ACAD10: variants seen among roughly 807,000 people sequenced by gnomAD.
The protein encoded by ACAD10 is acyl-CoA dehydrogenase family member 10, also known as ACAD-10.
ACAD10 carries 112 observed loss-of-function variants against 116.8 expected under a neutral mutation model. The ratio of observed to expected loss-of-function variants is 0.96; its 90% CI spans 0.82 to 1.12. The LOEUF (loss-of-function observed/expected upper bound fraction) is 1.12. Ranked by LOEUF, ACAD10 falls within the 50% of genes most tolerant of loss-of-function variation. The probability of loss-of-function intolerance (pLI) is 0.00; values close to 1 mark genes in which losing one functional copy is unlikely to be tolerated. For synonymous variants in ACAD10, 486 were observed against 510.6 expected (o/e 0.95, Z 0.65); for missense variants, 1,259 against 1,350.2 (o/e 0.93, Z 1.06).
At chr12:111,743,101 G>A (rs1363971654) in intron 12 of ACAD10, among the ~76,000 whole-genome samples, 2 of 152,232 alleles carry the variant, frequency 1.3e-5, no homozygotes, top group Non-Finnish European at 2.9e-5. Flanking sequence ...ACATGGAAGT[G>A]CTAGAAGTAA....
At position 111,747,074 on chromosome 12, in the gene ACAD10, C is replaced by T. The variant is rs375235910; in HGVS notation, c.2282C>T (p.Thr761Met). 27 of 1,609,738 alleles carry T rather than the reference C, an allele frequency of 1.7e-5. No homozygotes were observed. The highest frequency in any genetic ancestry group is 5.0e-5 in the Admixed American group (3 of 59,576). ...PEVCNCSAPD[T>M]GNMELLVRYG... ...GTATGTAACTGCTCTGCGCCTGACACGGGCAACATGGAGCTGCTGGTGAGG... is the reference window on the plus strand; with the variant it reads ...GTATGTAACTGCTCTGCGCCTGACATGGGCAACATGGAGCTGCTGGTGAGG... The change falls in exon 15 of 21, where the codon ACG becomes ATG. Residue 761 changes from threonine (T) to methionine (M), a missense_variant. Thr to Met is a moderately conservative substitution (Grantham distance 81). Transcript: ENST00000313698.
At chr12:111,709,057 A>G (rs1301312475) in intron 4 of ACAD10, among the ~76,000 whole-genome samples, 3 of 152,152 alleles carry the variant, frequency 2.0e-5, no homozygotes, top group African/African-American at 7.2e-5. Context: ...AAAAAAAAAA[A>G]AAATGGCGAA....
rs1889477409 is a variant in ACAD10 at position 111,734,016 on chromosome 12, GGCCTACAGCT to G, written c.1493_1502del (p.Tyr498TrpfsTer12). Reference sequence around the variant, plus strand: ...CCTTGGGCGACCCCCTTGCTGATGTGGCCTACAGCTGCCTGGCTCATTACCTGCCATCCAG... The same window carrying G: ...CCTTGGGCGACCCCCTTGCTGATGTGGCCTGGCTCATTACCTGCCATCCAG... On this transcript the variant is annotated frameshift_variant, in exon 11 of 21. Coordinates refer to ENST00000313698, the MANE Select transcript of ACAD10 (RefSeq NM_025247.6). LOFTEE classifies it high-confidence loss of function. 9 of 1,614,120 alleles carry G rather than the reference GGCCTACAGCT, an allele frequency of 5.6e-6. No homozygotes were observed. The highest frequency in any genetic ancestry group is 3.3e-4 in the Middle Eastern group (2 of 6,084).
At chr12:111,752,491 T>G (rs1356019115) in intron 18 of ACAD10, among the ~76,000 whole-genome samples, 1 of 150,952 alleles carries the variant, frequency 6.6e-6, no homozygotes, top group Non-Finnish European at 1.5e-5. Flanking sequence ...ACCTGTAATC[T>G]CAGCTACTTG....
rs199604114 is a variant in ACAD10, at chr12:111,756,432, C to T, written c.3139C>T (p.Arg1047Trp). The T allele has an allele frequency of 2.1e-5, 34 of 1,612,616 alleles. No individual in the cohort carries two copies. Among genetic ancestry groups the T allele is most frequent in the Middle Eastern group, 1.6e-4 (1 of 6,080 alleles). ...TGCCGACGGCCCTGACGAGGTGCAC[C>T]GGGCCACGGTGGCCAAGCTAGAGCT... ...RFADGPDEVH[R>W]ATVAKLELKH... is the part of the protein sequence containing the mutation. The change falls in exon 21 of 21, where the codon CGG becomes TGG. Residue 1047 changes from arginine (R) to tryptophan (W), a missense_variant. Coordinates refer to ENST00000313698, the MANE Select transcript of ACAD10 (RefSeq NM_025247.6).
intron 18 of ACAD10, 156 bp downstream of exon 18, chr12:111,749,501 C>T (rs1593055593): frequency 2.0e-6 from 2 of 1,016,670 alleles, no homozygotes; most frequent in East Asian, 5.3e-5. Flanking sequence ...TGCTTTGCAT[C>T]TGCTACTTTG....
Position 111,756,831 on chromosome 12 carries a change from G to A in ACAD10, c.*358G>A, listed in dbSNP as rs1566173399. 1 of 470,798 alleles carries A rather than the reference G, an allele frequency of 2.1e-6. No individual in the cohort carries two copies. Among genetic ancestry groups the A allele is most frequent in the African/African-American group, 2.0e-5 (1 of 50,670 alleles). 29.2% of individuals were successfully genotyped at this position (470,798 alleles called of 1,614,324 possible). A position where few individuals can be genotyped will look rare whatever the true frequency, so the allele number is the denominator to read the frequency against. The stretch of plus-strand genomic sequence containing the variant: ...CTGTGGGAATCTGGACACATTTTGG[G>A]AGGCCTCCCAAGGCTGTGGGACGTG... On this transcript the variant is annotated 3_prime_UTR_variant, in exon 21 of 21. Transcript: ENST00000313698.
chr12:111,719,291 T>C (rs1042743100), intron 7 of ACAD10, among the ~76,000 whole-genome samples: 2 of 152,182 alleles, frequency 1.3e-5, no homozygotes, highest in African/African-American at 4.8e-5. Context: ...TCTTGGTCTG[T>C]CACCCAGGCC....
intron 16 of ACAD10, 45 bp from the exon 17 acceptor site, chr12:111,748,272 C>A: frequency 6.2e-7 from 1 of 1,608,614 alleles, no homozygotes; most frequent in South Asian, 1.1e-5. Context: ...GATTTGATGG[C>A]CCTGGTGTCA....
At chr12:111,729,534 A>C (rs747518650) in intron 9 of ACAD10, among the ~76,000 whole-genome samples, 3 of 152,144 alleles carry the variant, frequency 2.0e-5, no homozygotes, top group Non-Finnish European at 4.4e-5. Flanking sequence ...GGCCGGCCAC[A>C]AGGTCTTTAA....
chr12:111,733,936 G>A lies in ACAD10; in HGVS notation c.1408G>A (p.Val470Met), dbSNP rs747263800. The part of the protein sequence containing the change: ...VHGDFRLDNL[V>M]FHPEEPEVLA... Reference sequence around the variant, plus strand: ...GCGACTTTTCAGGCTCGACAACCTGGTGTTTCATCCAGAAGAGCCAGAGGT... The same window carrying A: ...GCGACTTTTCAGGCTCGACAACCTGATGTTTCATCCAGAAGAGCCAGAGGT... The change falls in exon 11 of 21, where the codon GTG (valine) becomes ATG (methionine). Residue 470 changes from valine (V) to methionine (M), a missense_variant. Physicochemically the swap from Val to Met is conservative, Grantham distance 21. Transcript: ENST00000313698. 67 of 1,614,202 alleles carry A rather than the reference G, an allele frequency of 4.2e-5. 1 individual carries two copies. In the Middle Eastern group the frequency reaches 1.3e-3, roughly 32 times the overall value.
chr12:111,692,896 G>A lies in ACAD10; in HGVS notation c.187G>A (p.Glu63Lys), dbSNP rs866919326. ...TCCTTCTCCAGGGAGAGTCGCTGCA[G>A]GTGAGCTATTGATTCTGTTTCACTT... ...LIPSPGRVAA[E>K]WEVQNRIPSG... The change falls in exon 2 of 21, where the codon GAA (glutamate) becomes AAA (lysine). Residue 63 changes from glutamate to lysine, a missense_variant and splice_region_variant. Glu to Lys is a moderately conservative substitution (Grantham distance 56). Transcript: ENST00000313698. 1 of 1,613,734 alleles carries A rather than the reference G, an allele frequency of 6.2e-7. No homozygotes were observed. Among genetic ancestry groups the A allele is most frequent in the East Asian group, 2.2e-5 (1 of 44,868 alleles).
rs1285094940 is a variant in ACAD10, at chr12:111,718,667, A to G, written c.992+2705A>G. ...GGTAATTTTTGTATTTTTAGTAGAGATAGGGTTTCACCATGTTGGTCAGGC... is the reference window on the plus strand; with the variant it reads ...GGTAATTTTTGTATTTTTAGTAGAGGTAGGGTTTCACCATGTTGGTCAGGC... On this transcript the variant is annotated intron_variant, in intron 7 of 20. Transcript: ENST00000313698. Among the ~76,000 whole-genome samples the G allele has an allele frequency of 3.3e-5, 5 of 151,596 alleles. No homozygotes were observed. The South Asian group carries it at 6.3e-4, about 19-fold the overall frequency.
At chr12:111,696,925 C>G (rs987848288) in intron 2 of ACAD10, among the ~76,000 whole-genome samples, 25 of 152,024 alleles carry the variant, frequency 1.6e-4, no homozygotes, top group Admixed American at 1.5e-3. Context: ...ACTAAAAATA[C>G]AAAAAATTAG....
At chr12:111,701,138 A>C (rs1484965806) in intron 2 of ACAD10, among the ~76,000 whole-genome samples, 1 of 152,198 alleles carries the variant, frequency 6.6e-6, no homozygotes, top group Non-Finnish European at 1.5e-5. Context: ...ATCAGAAAAA[A>C]ACAACAAAGG....
In ACAD10 at chr12:111,744,722, C is replaced by T. The variant is rs1889839838; in HGVS notation, c.1794C>T (p.Val598=). ...FVSNLAWDFA[V]KEGFRVFKEM... ...CTAACCTGGCGTGGGATTTCGCAGT[C>T]AAAGAAGGGTTCCGGGTTTTCAAAG... Residue 598 remains valine (V), a synonymous_variant, in exon 13 of 21, where the codon GTC becomes GTT. Coordinates refer to ENST00000313698, the MANE Select transcript of ACAD10 (RefSeq NM_025247.6). The T allele has an allele frequency of 6.2e-7, 1 of 1,614,218 alleles. No individual in the cohort carries two copies. Among genetic ancestry groups the T allele is most frequent in the South Asian group, 1.1e-5 (1 of 91,088 alleles).
At chr12:111,747,866 A>G in intron 16 of ACAD10, 2 of 712,996 alleles carry the variant, frequency 2.8e-6, no homozygotes, top group South Asian at 5.4e-5. Flanking sequence ...GAGCATCCCC[A>G]TTTTGCAAAG....
intron 6 of ACAD10, 47 bp downstream of exon 6, chr12:111,712,704 G>A (rs754196394): frequency 5.7e-6 from 9 of 1,587,234 alleles, no homozygotes; most frequent in Non-Finnish European, 7.7e-6. Context: ...CAAGGCGAAG[G>A]TTTTGGTCTG....
Position 111,702,073 on chromosome 12 carries a change from C to T in ACAD10, c.188-89C>T, listed in dbSNP as rs182448095. The T allele has an allele frequency of 5.5e-5, 76 of 1,380,058 alleles. No homozygotes were observed. The African/African-American group carries it at 7.3e-4, about 13-fold the overall frequency. 85.5% of individuals were successfully genotyped at this position (1,380,058 alleles called of 1,614,324 possible). ...ATCCACCCTGGCAGTACAGCGAGTC[C>T]GTAGGAACTGGTATGGTAATTTTCC... is the stretch of plus-strand genomic sequence containing the variant. On this transcript the variant is annotated intron_variant, in intron 2 of 20. Transcript: ENST00000313698.
Sources: allele counts gnomAD v4.1 joint callset (sites outside exome capture counted in the v4.1 genomes callset), GRCh38; gene constraint gnomAD v4.1.1; transcripts MANE v1.5; gene names NCBI Gene and HGNC (gene_info 2026-07-23, HGNC 2026-07-21).